Variants in TRIM37 observed in about 807,000 individuals in gnomAD.
TRIM37 encodes the protein E3 ubiquitin-protein ligase TRIM37.
In TRIM37, 80 loss-of-function variants were observed where a neutral mutation model predicts 129.8. The observed-to-expected ratio is 0.62, with a 90% CI of 0.51 to 0.74. The LOEUF is 0.74. Ranked by LOEUF, TRIM37 falls within the 30% of genes least tolerant of loss-of-function variation. TRIM37 has a pLI of 0.00. For synonymous variants in TRIM37, 389 were observed against 387.1 expected (o/e 1.00, Z -0.06); for missense variants, 1,054 against 1,176.5 (o/e 0.90, Z 1.52).
chr17:59,045,933 T>C (rs187635258), intron 16 of TRIM37, among the ~76,000 whole-genome samples: 4 of 151,362 alleles, frequency 2.6e-5, no homozygotes, highest in Admixed American at 2.0e-4. Context: ...GAAGGATCAC[T>C]TGAACCCAGG....
chr17:59,042,443 A>ATATATAT (rs1281091065), intron 16 of TRIM37, among the ~76,000 whole-genome samples: 99 of 50,164 alleles, frequency 2.0e-3, no homozygotes, highest in African/African-American at 7.7e-3. Context: ...AAAAAAAAAA[A>ATATATAT]AAAAAAATAT....
chr17:59,057,076 TTACTATACAGTTAGTAAAG>T, intron 12 of TRIM37, 22 bp from the exon 13 acceptor site: 1 of 1,606,604 alleles, frequency 6.2e-7, no homozygotes, highest in Non-Finnish European at 8.5e-7. Context: ...AAACAGACCA[TTACTATACAGTTAGTAAAG>T]TAAGAATAAA....
chr17:59,047,601 C>T (rs1599144375), intron 16 of TRIM37, 82 bp downstream of exon 16: 12 of 1,389,242 alleles, frequency 8.6e-6, no homozygotes, highest in East Asian at 2.4e-5. Context: ...GCTGAATATC[C>T]CTACATTTAA....
intron 22 of TRIM37, among the ~76,000 whole-genome samples, chr17:59,003,645 TAAA>T (rs71145512): frequency 8.2e-6 from 1 of 122,660 alleles, no homozygotes; most frequent in Admixed American, 8.4e-5. Context: ...AGAGTCTTAT[TAAA>T]AAAAAAAAAA....
chr17:58,989,874 G>T lies in TRIM37; in HGVS notation c.2892-6953C>A, dbSNP rs1353175783. 2.0e-5 allele frequency among the ~76,000 whole-genome samples: 3 copies of T among 152,196 alleles called. No individual in the cohort carries two copies. The East Asian group carries it at 5.8e-4, about 29-fold the overall frequency. On this transcript the variant is annotated intron_variant, in intron 24 of 24. Transcript: ENST00000393066. ...AACTAATGACAGACACAAAACCACA[G>T]ATAAAAGAAACTCAGAGAACATCAA... is the stretch of plus-strand genomic sequence containing the variant.
chr17:59,045,675 A>G lies in TRIM37; in HGVS notation c.1667+2008T>C, dbSNP rs1431703458. 4.0e-5 allele frequency among the ~76,000 whole-genome samples: 6 copies of G among 151,716 alleles called. No individual in the cohort carries two copies. In the South Asian group the frequency reaches 1.0e-3, roughly 26 times the overall value. On this transcript the variant is annotated intron_variant, in intron 16 of 23. Coordinates refer to ENST00000262294, the MANE Select transcript of TRIM37 (RefSeq NM_015294.6). ...AAAGAAAAAAGAAAAAAAATTACAC[A>G]CTATGACCAAGTGGGATGTGTCCCA...
At chr17:59,081,950 A>AAT (rs1555688867) in intron 5 of TRIM37, among the ~76,000 whole-genome samples, 17 of 116,114 alleles carry the variant, frequency 1.5e-4, no homozygotes, top group African/African-American at 6.0e-4. Flanking sequence ...AAAAAAAAAA[A>AAT]AATAAAAAAA....
At chr17:58,972,105 G>A in the TRIM37 span, 2 of 1,598,788 alleles carry the variant, frequency 1.3e-6, no homozygotes, top group South Asian at 2.2e-5. Flanking sequence ...TTTTCACTGA[G>A]TCTAGTTTTA....
In TRIM37 at chr17:59,002,001, T is replaced by C. The variant is rs557598634; in HGVS notation, c.2696-287A>G. The stretch of plus-strand genomic sequence containing the variant: ...ACCAGCATTAATTTTATTATACTGA[T>C]AATACTTTTTTCCAAATCAAACACT... On this transcript the variant is annotated intron_variant, in intron 22 of 23. Transcript: ENST00000262294. 2.6e-5 allele frequency among the ~76,000 whole-genome samples: 4 copies of C among 152,332 alleles called. No individual in the cohort carries two copies. The South Asian group carries it at 8.3e-4, about 32-fold the overall frequency.
At chr17:59,071,287 T>C (rs2042339380) in intron 8 of TRIM37, among the ~76,000 whole-genome samples, 2 of 148,732 alleles carry the variant, frequency 1.3e-5, no homozygotes, top group African/African-American at 2.5e-5. Context: ...TGAAAGCTTT[T>C]TTTTTTTTTT....
rs753642374 is a variant in TRIM37 at position 59,062,419 on chromosome 17, T to C, written c.942+148A>G. 363 of 683,252 alleles carry C rather than the reference T, an allele frequency of 5.3e-4. 1 individual carries two copies. Among genetic ancestry groups the C allele is most frequent in the Non-Finnish European group, 8.3e-4 (320 of 386,644 alleles). 42.3% of individuals were successfully genotyped at this position (683,252 alleles called of 1,614,324 possible). On this transcript the variant is annotated intron_variant, in intron 11 of 23. Transcript: ENST00000262294. ...TGGACAAACAAACAGTTGTCTAATA[T>C]GGGGGAAGAAGGGGAACAGGGAATG...
the TRIM37 span, among the ~76,000 whole-genome samples, chr17:58,973,369 A>G: frequency 2.0e-5 from 3 of 151,462 alleles, no homozygotes; most frequent in Non-Finnish European, 2.9e-5. Context: ...GCTAGTGGAG[A>G]TCGCGCCATT....
chr17:58,973,757 C>A, the TRIM37 span, among the ~76,000 whole-genome samples: 2 of 151,942 alleles, frequency 1.3e-5, no homozygotes, highest in Non-Finnish European at 2.9e-5. Flanking sequence ...TGGAGACCAT[C>A]CTGGCTAACA....
rs1369836868 is a variant in TRIM37 at position 58,998,627 on chromosome 17, G to A, written c.*750C>T. ...AAAAGGGGGCTTTAAAATATTTGTT[G>A]CACTACAGTCGTATAGTAAGAGGCA... On this transcript the variant is annotated 3_prime_UTR_variant, in exon 24 of 24. Coordinates refer to ENST00000262294, the MANE Select transcript of TRIM37 (RefSeq NM_015294.6). 1 of 985,154 alleles carries A rather than the reference G, an allele frequency of 1.0e-6. No individual in the cohort carries two copies. Among genetic ancestry groups the A allele is most frequent in the African/African-American group, 1.7e-5 (1 of 57,202 alleles). The allele number at this position is 985,154 out of a possible 1,614,324, so 61.0% of individuals were successfully genotyped here. A position where few individuals can be genotyped will look rare whatever the true frequency, so the allele number is the denominator to read the frequency against.
intron 23 of TRIM37, 50 bp downstream of exon 23, chr17:59,001,548 C>G: frequency 1.2e-6 from 2 of 1,611,540 alleles, no homozygotes; most frequent in Non-Finnish European, 1.7e-6. Context: ...GAAAGAGAAG[C>G]GGCAGCGGTG....
At chr17:59,096,010 T>C (rs1312124599) in intron 2 of TRIM37, among the ~76,000 whole-genome samples, 1 of 152,182 alleles carries the variant, frequency 6.6e-6, no homozygotes, top group African/African-American at 2.4e-5. Flanking sequence ...CATGAGCCAC[T>C]GTGCCCAGAC....
the TRIM37 span, among the ~76,000 whole-genome samples, chr17:58,967,515 TATATAGAG>T: frequency 3.1e-4 from 46 of 149,106 alleles, no homozygotes; most frequent in African/African-American, 1.1e-3. Flanking sequence ...TATATATATA[TATATAGAG>T]AGAGAGAGAG....
intron 2 of TRIM37, among the ~76,000 whole-genome samples, chr17:59,101,870 CGGAGGTCGTA>C (rs1481124729): frequency 1.3e-4 from 19 of 149,866 alleles, no homozygotes; most frequent in Non-Finnish European, 2.2e-4. Flanking sequence ...ACCTGGGAGG[CGGAGGTCGTA>C]GTGACCCAAG....
intron 3 of TRIM37, among the ~76,000 whole-genome samples, chr17:59,089,711 C>T (rs1008675226): frequency 6.6e-6 from 1 of 152,170 alleles, no homozygotes; most frequent in Non-Finnish European, 1.5e-5. Context: ...GACAGCCACA[C>T]ACAACTAGTG....
Sources: gnomAD v4.1 joint callset for allele counts (sites outside exome capture counted in the v4.1 genomes callset) on GRCh38, gnomAD v4.1.1 for gene constraint, MANE v1.5 for transcripts, NCBI Gene and HGNC (gene_info 2026-07-23, HGNC 2026-07-21) for gene names.